The following LRP1B variants were observed in gnomAD, a reference collection of about 807,000 sequenced individuals.
LRP1B encodes the protein LDL receptor related protein 1B.
A neutral mutation model predicts 556.6 loss-of-function variants in LRP1B; 217 were observed. That is an observed-to-expected ratio of 0.39 (90% CI 0.35 to 0.44). The LOEUF (loss-of-function observed/expected upper bound fraction) is 0.44. Among genes scored for constraint, LRP1B ranks in the 20% least tolerant of loss-of-function variants. The probability of loss-of-function intolerance (pLI) is 1.00; values close to 1 mark genes in which losing one functional copy is unlikely to be tolerated. For synonymous variants in LRP1B, 2,047 were observed against 1,865.8 expected (o/e 1.10, Z -2.50); for missense variants, 5,053 against 5,620.8 (o/e 0.90, Z 3.23).
At chr2:140,636,611 T>A (rs1162258299) in intron 41 of LRP1B, among the ~76,000 whole-genome samples, 11 of 152,172 alleles carry the variant, frequency 7.2e-5, no homozygotes, top group Admixed American at 7.2e-4. Context: ...TACTTACATA[T>A]TTTAAAAGCA....
At chr2:141,928,260 T>G (rs189616726) in intron 1 of LRP1B, among the ~76,000 whole-genome samples, 33 of 152,308 alleles carry the variant, frequency 2.2e-4, no homozygotes, top group African/African-American at 7.7e-4. Context: ...GTTGAATATA[T>G]TCTCCCTATC....
intron 65 of LRP1B, among the ~76,000 whole-genome samples, chr2:140,443,218 G>A (rs187049197): frequency 1.7e-4 from 26 of 152,064 alleles, no homozygotes; most frequent in African/African-American, 3.1e-4. Flanking sequence ...CTACCACTGC[G>A]CCCAGCTAAT....
intron 18 of LRP1B, among the ~76,000 whole-genome samples, chr2:140,968,336 C>A (rs1234730721): frequency 6.6e-6 from 1 of 151,922 alleles, no homozygotes; most frequent in Non-Finnish European, 1.5e-5. Flanking sequence ...TTATAGTATT[C>A]TCTGAGGGTA....
At chr2:140,775,104 T>G (rs947613702) in intron 33 of LRP1B, among the ~76,000 whole-genome samples, 1 of 152,090 alleles carries the variant, frequency 6.6e-6, no homozygotes, top group African/African-American at 2.4e-5. Flanking sequence ...TGTTTTCTTC[T>G]GCTTGGGGCA....
intron 3 of LRP1B, among the ~76,000 whole-genome samples, chr2:141,408,426 G>A (rs1027990728): frequency 1.3e-5 from 2 of 152,016 alleles, no homozygotes; most frequent in Admixed American, 6.6e-5. Flanking sequence ...TTACAGGCGT[G>A]AGCCACCACA....
chr2:140,238,377 A>G (rs1233244379), intron 88 of LRP1B, 81 bp from the exon 89 acceptor site: 2 of 693,734 alleles, frequency 2.9e-6, no homozygotes, highest in South Asian at 5.6e-5. Context: ...TTATAGATTT[A>G]CTGACTTATT....
intron 7 of LRP1B, among the ~76,000 whole-genome samples, chr2:141,107,303 C>G (rs1553460850): frequency 1.3e-5 from 2 of 151,928 alleles, no homozygotes; most frequent in Non-Finnish European, 2.9e-5. Context: ...ATTTTCAAAA[C>G]AGAAAAATTT....
intron 7 of LRP1B, among the ~76,000 whole-genome samples, chr2:141,163,601 C>T (rs1423234037): frequency 2.0e-5 from 3 of 152,004 alleles, no homozygotes; most frequent in African/African-American, 7.2e-5. Flanking sequence ...GTGGGAGATA[C>T]TGAATCATGG....
intron 2 of LRP1B, among the ~76,000 whole-genome samples, chr2:141,550,454 T>C (rs1281835503): frequency 6.6e-6 from 1 of 152,164 alleles, no homozygotes. Flanking sequence ...AAAAAAAGTG[T>C]CCAATGCAAA....
At chr2:140,476,229 C>T (rs1285747613) in intron 59 of LRP1B, among the ~76,000 whole-genome samples, 3 of 151,904 alleles carry the variant, frequency 2.0e-5, no homozygotes, top group South Asian at 4.1e-4. Context: ...TCCTTGTCTA[C>T]ATAAAGATTT....
chr2:141,897,214 A>G (rs1281212194), intron 1 of LRP1B, among the ~76,000 whole-genome samples: 5 of 152,140 alleles, frequency 3.3e-5, no homozygotes. Flanking sequence ...GACACACTGT[A>G]AAGGTCATTC....
intron 2 of LRP1B, among the ~76,000 whole-genome samples, chr2:141,761,473 A>G (rs1694545114): frequency 6.6e-6 from 1 of 152,190 alleles, no homozygotes; most frequent in Non-Finnish European, 1.5e-5. Flanking sequence ...AATACACTAT[A>G]AGAAAAAAAT....
At chr2:141,512,311 C>T (rs1684161478) in intron 2 of LRP1B, among the ~76,000 whole-genome samples, 1 of 152,106 alleles carries the variant, frequency 6.6e-6, no homozygotes, top group Non-Finnish European at 1.5e-5. Flanking sequence ...TGTGTTCTCT[C>T]CTCCCTCCAG....
intron 41 of LRP1B, among the ~76,000 whole-genome samples, chr2:140,608,155 C>T (rs531911378): frequency 1.8e-4 from 27 of 152,002 alleles, no homozygotes; most frequent in Admixed American, 5.2e-4. Flanking sequence ...TGTTAGTGAA[C>T]GCATAGAAAA....
Position 140,444,609 on chromosome 2 carries a change from A to C in LRP1B, c.10128T>G (p.Cys3376Trp), listed in dbSNP as rs1451955664. The C allele has an allele frequency of 6.2e-7, 1 of 1,614,054 alleles. No individual in the cohort carries two copies. The highest frequency in any genetic ancestry group is 1.7e-5 in the Admixed American group (1 of 60,012). The change falls in exon 64 of 91, where the codon TGT becomes TGG. Residue 3376 changes from cysteine to tryptophan, a missense_variant. By Grantham distance (215) the Cys-to-Trp change is radical. This residue lies in a region of LRP1B where 262 missense variants were observed against 395.1 expected (regional missense o/e 0.66). Transcript: ENST00000389484. ...TGTCTCCACAATCATTCTCTCCATC[A>C]CAGATGAAAGCTGGTAGAGCACAGA... is the stretch of plus-strand genomic sequence containing the variant. ...TGLCALPAFI[C>W]DGENDCGDNS... is the part of the protein sequence containing the mutation.
At chr2:141,247,815 A>G (rs1400797108) in intron 4 of LRP1B, among the ~76,000 whole-genome samples, 1 of 152,200 alleles carries the variant, frequency 6.6e-6, no homozygotes, top group Non-Finnish European at 1.5e-5. Flanking sequence ...ACTATTAAGC[A>G]CACCTATTGA....
At chr2:140,532,792 G>C (rs1211918382) in intron 47 of LRP1B, among the ~76,000 whole-genome samples, 1 of 151,512 alleles carries the variant, frequency 6.6e-6, no homozygotes, top group Non-Finnish European at 1.5e-5. Context: ...ATTCTCTTTT[G>C]TTTCATTCAT....
intron 7 of LRP1B, among the ~76,000 whole-genome samples, chr2:141,100,956 C>A (rs779317548): frequency 5.9e-5 from 9 of 151,974 alleles, no homozygotes; most frequent in African/African-American, 1.9e-4. Flanking sequence ...GAAAGGGTTT[C>A]TTAAAGTTGT....
chr2:141,054,367 C>A (rs1329955439), intron 10 of LRP1B, among the ~76,000 whole-genome samples: 1 of 151,744 alleles, frequency 6.6e-6, no homozygotes, highest in African/African-American at 2.4e-5. Flanking sequence ...ACCAACAGTC[C>A]CCACTAGGAT....
Sources: allele counts gnomAD v4.1 joint callset (sites outside exome capture counted in the v4.1 genomes callset), GRCh38; gene constraint gnomAD v4.1.1; regional missense constraint gnomAD v4.1.1; transcripts MANE v1.5; gene names NCBI Gene and HGNC (gene_info 2026-07-23, HGNC 2026-07-21).